The following MMP26 variants were observed in gnomAD, a reference collection of about 807,000 sequenced individuals.
MMP26 encodes the protein matrix metallopeptidase 26, also known as matrix metalloproteinase-26.
Under a neutral mutation model 31.0 loss-of-function variants are expected in MMP26, and 33 were observed. That is an observed-to-expected ratio of 1.06 (90% CI 0.81 to 1.42). The LOEUF (loss-of-function observed/expected upper bound fraction) is 1.42, where lower values mean the gene tolerates loss of function less well. Ranked by LOEUF, MMP26 falls within the 40% of genes most tolerant of loss-of-function variation. The pLI, the probability that MMP26 is intolerant of heterozygous loss-of-function variation, is 0.00. For synonymous variants in MMP26, 122 were observed against 114.9 expected, an observed-to-expected ratio of 1.06 and a Z score of -0.40; for missense variants, 347 against 316.1, an observed-to-expected ratio of 1.10 and a Z score of -0.74.
At chr11:4,786,868 G>A (rs34012768) in intron 2 of MMP26, 14,450 of 152,364 alleles carry the variant, frequency 0.095, 856 homozygotes, top group Middle Eastern at 0.16. Context: ...TCTGAGCACA[G>A]TTGCTCTCTT....
intron 2 of MMP26, chr11:4,803,599 G>T: frequency 6.2e-7 from 1 of 1,613,824 alleles, no homozygotes; most frequent in Non-Finnish European, 8.5e-7. Context: ...GGTGAGGAAA[G>T]AAAAAAGGGC....
intron 2 of MMP26, among the ~76,000 whole-genome samples, chr11:4,845,655 AC>A (rs1212805572): frequency 1.3e-5 from 2 of 152,190 alleles, no homozygotes; most frequent in Non-Finnish European, 2.9e-5. Context: ...AAGTGAAGAG[AC>A]AACCCACAGA....
At chr11:4,859,964 C>T (rs777836233) in intron 2 of MMP26, 44 of 470,972 alleles carry the variant, frequency 9.3e-5, no homozygotes, top group South Asian at 5.9e-4. Context: ...ACGATGAGGC[C>T]GTAGAGGCTG....
At chr11:4,789,132 A>G (rs1029663341) in intron 2 of MMP26, among the ~76,000 whole-genome samples, 1 of 152,210 alleles carries the variant, frequency 6.6e-6, no homozygotes, top group Non-Finnish European at 1.5e-5. Context: ...GAAAAATAGT[A>G]GTTTCTAATT....
chr11:4,896,855 T>C (rs1432507497), intron 2 of MMP26, among the ~76,000 whole-genome samples: 1 of 152,168 alleles, frequency 6.6e-6, no homozygotes, highest in Admixed American at 6.5e-5. Flanking sequence ...GTTCTGTTAC[T>C]TGCTTTGTTG....
chr11:4,800,837 T>G (rs1589904441), intron 2 of MMP26, among the ~76,000 whole-genome samples: 1 of 136,848 alleles, frequency 7.3e-6, no homozygotes, highest in South Asian at 2.3e-4. Context: ...AATTTTTTAT[T>G]CCAGATACAC....
chr11:4,908,781 G>A, intron 2 of MMP26: 1 of 161,566 alleles, frequency 6.2e-6, no homozygotes, highest in Admixed American at 5.9e-5. Context: ...ACCAGATTTT[G>A]GAGCACCTAA....
chr11:4,791,285 A>T lies in MMP26; in HGVS notation c.-145+23944A>T, dbSNP rs919459629. 3.9e-5 allele frequency among the ~76,000 whole-genome samples: 6 copies of T among 152,342 alleles called. 1 individual carries two copies. The East Asian group carries it at 5.8e-4, about 15-fold the overall frequency. On this transcript the variant is annotated intron_variant, in intron 2 of 7. Coordinates refer to ENST00000380390, the MANE Select transcript of MMP26 (RefSeq NM_021801.5). Reference sequence around the variant, plus strand: ...TATTCCAGGCTAGGCAGCTGGGCTCATTCTTTGAATTAATCCTTTAGATTC... The same window carrying T: ...TATTCCAGGCTAGGCAGCTGGGCTCTTTCTTTGAATTAATCCTTTAGATTC...
At chr11:4,836,653 T>TC (rs1335404304) in intron 2 of MMP26, among the ~76,000 whole-genome samples, 1 of 123,198 alleles carries the variant, frequency 8.1e-6, no homozygotes, top group Non-Finnish European at 1.7e-5. Context: ...AAAGACATCT[T>TC]TTTTTTTTTT....
At chr11:4,946,102 C>T in intron 2 of MMP26, 1 of 1,498,084 alleles carries the variant, frequency 6.7e-7, no homozygotes, top group African/African-American at 1.4e-5. Flanking sequence ...TTAGGTTTCT[C>T]AAATTTACCT....
chr11:4,851,457 A>G (rs1455303090), intron 2 of MMP26, among the ~76,000 whole-genome samples: 1 of 152,210 alleles, frequency 6.6e-6, no homozygotes, highest in Non-Finnish European at 1.5e-5. Context: ...CCAGATGGTA[A>G]CTGGAATCTA....
chr11:4,923,653 G>A (rs1316391790), intron 2 of MMP26: 1 of 1,613,964 alleles, frequency 6.2e-7, no homozygotes, highest in Admixed American at 1.7e-5. Flanking sequence ...GGGAGGCAAT[G>A]CTGAGCACGG....
chr11:4,837,295 C>T (rs1330768788), intron 2 of MMP26, among the ~76,000 whole-genome samples: 1 of 152,128 alleles, frequency 6.6e-6, no homozygotes, highest in Admixed American at 6.5e-5. Context: ...GCAGCCTCCT[C>T]CTCCTTGGCT....
chr11:4,860,153 G>C (rs1333406241), intron 2 of MMP26: 4 of 470,944 alleles, frequency 8.5e-6, no homozygotes, highest in Non-Finnish European at 1.8e-5. Context: ...TCGTGAGTGA[G>C]GATGGAAACA....
intron 1 of MMP26, among the ~76,000 whole-genome samples, chr11:4,740,448 C>T (rs564072427): frequency 4.1e-4 from 62 of 152,136 alleles, no homozygotes; most frequent in African/African-American, 1.4e-3. Context: ...CTTTGGGAGG[C>T]CAAGGCAGGC....
At chr11:4,734,984 A>G (rs1387227129) in intron 1 of MMP26, among the ~76,000 whole-genome samples, 1 of 152,086 alleles carries the variant, frequency 6.6e-6, no homozygotes, top group East Asian at 1.9e-4. Flanking sequence ...GGAGTCACTG[A>G]CCTCTTGGCT....
intron 2 of MMP26, among the ~76,000 whole-genome samples, chr11:4,784,802 T>A (rs1848912772): frequency 6.6e-6 from 1 of 152,236 alleles, no homozygotes; most frequent in African/African-American, 2.4e-5. Flanking sequence ...CATTATTCTT[T>A]AAAAATTTTT....
intron 2 of MMP26, among the ~76,000 whole-genome samples, chr11:4,906,356 C>G (rs1365292389): frequency 6.6e-6 from 1 of 152,074 alleles, no homozygotes; most frequent in Non-Finnish European, 1.5e-5. Context: ...TCAAAACCTA[C>G]CAAGATTGTA....
At chr11:4,939,844 G>A (rs1453134981) in intron 2 of MMP26, among the ~76,000 whole-genome samples, 1 of 152,058 alleles carries the variant, frequency 6.6e-6, no homozygotes, top group Non-Finnish European at 1.5e-5. Context: ...AATGACATAA[G>A]ATATATCACT....
Sources: gnomAD v4.1 joint callset for allele counts (sites outside exome capture counted in the v4.1 genomes callset) on GRCh38, gnomAD v4.1.1 for gene constraint, MANE v1.5 for transcripts, NCBI Gene and HGNC (gene_info 2026-07-23, HGNC 2026-07-21) for gene names.